The following TRAPPC3L variants were observed in gnomAD, a reference collection of about 807,000 sequenced individuals.
TRAPPC3L encodes the protein trafficking protein particle complex subunit 3L.
In TRAPPC3L, 23 loss-of-function variants were observed where a neutral mutation model predicts 23.7. The ratio of observed to expected loss-of-function variants is 0.97; its 90% CI spans 0.70 to 1.37. The LOEUF (loss-of-function observed/expected upper bound fraction) is 1.37. TRAPPC3L is among the 40% of genes most tolerant of loss of function. The pLI is 0.00. For synonymous variants in TRAPPC3L, 81 were observed against 77.9 expected (o/e 1.04, Z -0.21); for missense variants, 212 against 216.8 (o/e 0.98, Z 0.14).
intron 3 of TRAPPC3L, among the ~76,000 whole-genome samples, chr6:116,508,712 T>C (rs1430895890): frequency 2.0e-5 from 3 of 151,980 alleles, no homozygotes; most frequent in African/African-American, 7.3e-5. Flanking sequence ...ACTAGCCAGT[T>C]TAGGAAGATA....
intron 3 of TRAPPC3L, among the ~76,000 whole-genome samples, chr6:116,531,401 T>C (rs1772715201): frequency 6.6e-6 from 1 of 152,032 alleles, no homozygotes; most frequent in African/African-American, 2.4e-5. Context: ...AATGGAAAGA[T>C]ATTAGTAGGT....
chr6:116,501,385 C>T (rs979388280), intron 3 of TRAPPC3L, among the ~76,000 whole-genome samples: 2 of 152,164 alleles, frequency 1.3e-5, no homozygotes, highest in Admixed American at 6.5e-5. Flanking sequence ...GTGGAGCCCA[C>T]CGCAGCACAG....
intron 3 of TRAPPC3L, among the ~76,000 whole-genome samples, chr6:116,501,992 C>A (rs1771923516): frequency 6.6e-6 from 1 of 152,170 alleles, no homozygotes; most frequent in Non-Finnish European, 1.5e-5. Context: ...AACTCTTTGC[C>A]AGCAAGGGAA....
chr6:116,537,878 C>T (rs1050877162), intron 3 of TRAPPC3L, among the ~76,000 whole-genome samples: 1 of 152,182 alleles, frequency 6.6e-6, no homozygotes, highest in Non-Finnish European at 1.5e-5. Flanking sequence ...TTAGGCCCCA[C>T]ATAAATATGT....
chr6:116,542,340 A>T (rs1190911338), intron 2 of TRAPPC3L, among the ~76,000 whole-genome samples: 1 of 152,092 alleles, frequency 6.6e-6, no homozygotes, highest in Non-Finnish European at 1.5e-5. Context: ...TAATTTTTTT[A>T]AAAGAAAAAA....
At chr6:116,505,257 T>C (rs753980032) in intron 3 of TRAPPC3L, among the ~76,000 whole-genome samples, 1 of 152,104 alleles carries the variant, frequency 6.6e-6, no homozygotes, top group Non-Finnish European at 1.5e-5. Context: ...ATGAGTGAAC[T>C]CCCATTCACA....
intron 3 of TRAPPC3L, among the ~76,000 whole-genome samples, chr6:116,532,385 A>C (rs775810047): frequency 7.9e-5 from 12 of 152,178 alleles, no homozygotes; most frequent in Non-Finnish European, 1.6e-4. Context: ...TACAGGCGTG[A>C]GCCACCGCGC....
At chr6:116,527,928 G>T (rs1187435327) in intron 3 of TRAPPC3L, among the ~76,000 whole-genome samples, 1 of 152,154 alleles carries the variant, frequency 6.6e-6, no homozygotes, top group East Asian at 1.9e-4. Flanking sequence ...AAGCCTGCGC[G>T]TTCAGCACAT....
intron 1 of TRAPPC3L, among the ~76,000 whole-genome samples, chr6:116,544,076 C>T (rs146238678): frequency 7.6e-4 from 114 of 149,188 alleles, no homozygotes; most frequent in Non-Finnish European, 4.6e-4. Flanking sequence ...GTCTGCTCAA[C>T]ATATAAGAGC....
chr6:116,519,949 A>G (rs1237068070), intron 3 of TRAPPC3L: 1 of 152,222 alleles, frequency 6.6e-6, no homozygotes, highest in Admixed American at 6.5e-5. Context: ...GTGGGAGAAA[A>G]AAAGGTATGT....
chr6:116,504,192 G>C (rs1230606099), intron 3 of TRAPPC3L, among the ~76,000 whole-genome samples: 1 of 151,972 alleles, frequency 6.6e-6, no homozygotes, highest in African/African-American at 2.4e-5. Context: ...AAATGATAAA[G>C]GGGGATATCA....
intron 3 of TRAPPC3L, chr6:116,524,126 G>A (rs1282859546): frequency 1.3e-5 from 2 of 152,000 alleles, no homozygotes; most frequent in African/African-American, 4.8e-5. Flanking sequence ...AAATATTTAT[G>A]TGTGAACTGC....
chr6:116,519,172 G>C (rs1463098914), intron 3 of TRAPPC3L: 1 of 152,206 alleles, frequency 6.6e-6, no homozygotes, highest in Non-Finnish European at 1.5e-5. Context: ...GCTCCCTAGA[G>C]GCTGCGCCTG....
intron 3 of TRAPPC3L, among the ~76,000 whole-genome samples, chr6:116,514,874 C>T (rs567819157): frequency 3.3e-4 from 50 of 152,222 alleles, no homozygotes; most frequent in South Asian, 1.5e-3. Context: ...GTTAGTTTTC[C>T]AAACATAAAA....
intron 3 of TRAPPC3L, among the ~76,000 whole-genome samples, chr6:116,537,964 T>C (rs1773199490): frequency 6.6e-6 from 1 of 152,246 alleles, no homozygotes; most frequent in Non-Finnish European, 1.5e-5. Context: ...GAGAATATCC[T>C]GGTCGAGGAC....
At position 116,497,223 on chromosome 6, in the gene TRAPPC3L, C is replaced by T; in HGVS notation, c.427-150G>A. On this transcript the variant is annotated intron_variant, in intron 4 of 4. Coordinates refer to ENST00000368602, the MANE Select transcript of TRAPPC3L (RefSeq NM_001139444.3). ...GGATAAAGGGCCCTTTACTGAGTGT[C>T]CTCCGGAGATGGTCCAGCTGTGTGT... 3 of 934,212 alleles carry T rather than the reference C, an allele frequency of 3.2e-6. No individual in the cohort carries two copies. In the East Asian group the frequency reaches 8.6e-5, roughly 27 times the overall value. 57.9% of individuals were successfully genotyped at this position (934,212 alleles called of 1,614,324 possible).
intron 3 of TRAPPC3L, among the ~76,000 whole-genome samples, chr6:116,505,445 A>G (rs1281077330): frequency 6.6e-6 from 1 of 152,238 alleles, no homozygotes; most frequent in Non-Finnish European, 1.5e-5. Flanking sequence ...CATACTGCCC[A>G]AGGTAATTTA....
chr6:116,500,578 T>C lies in TRAPPC3L; in HGVS notation c.329A>G (p.Asn110Ser). Residue 110 changes from asparagine (N) to serine (S), a missense_variant, in exon 4 of 5, where the codon AAT (asparagine) becomes AGT (serine). Coordinates refer to ENST00000368602, the MANE Select transcript of TRAPPC3L (RefSeq NM_001139444.3). Reference sequence around the variant, plus strand: ...CTCTTCCACAAACTCCACCAGGGGATTCTTCTCTAGAATCAGGGAAAATTC... The same window carrying C: ...CTCTTCCACAAACTCCACCAGGGGACTCTTCTCTAGAATCAGGGAAAATTC... ...KNEFSLILEK[N>S]PLVEFVEELP... 6.4e-7 allele frequency: 1 copy of C among 1,551,676 alleles called. No individual in the cohort carries two copies. Among genetic ancestry groups the C allele is most frequent in the Non-Finnish European group, 8.7e-7 (1 of 1,146,982 alleles).
chr6:116,543,841 T>C (rs1583300934), intron 1 of TRAPPC3L: 8 of 1,534,364 alleles, frequency 5.2e-6, no homozygotes, highest in Non-Finnish European at 6.1e-6. Flanking sequence ...CAAGGAGACC[T>C]TCAGGATAAA....
Sources: gnomAD v4.1 joint callset for allele counts (sites outside exome capture counted in the v4.1 genomes callset) on GRCh38, gnomAD v4.1.1 for gene constraint, MANE v1.5 for transcripts, NCBI Gene and HGNC (gene_info 2026-07-23, HGNC 2026-07-21) for gene names.